PARP4: variants seen among roughly 807,000 people sequenced by gnomAD.
PARP4 encodes the protein protein mono-ADP-ribosyltransferase PARP4.
PARP4 carries 120 observed loss-of-function variants against 187.7 expected under a neutral mutation model. That is an observed-to-expected ratio of 0.64 (90% CI 0.55 to 0.74). The LOEUF (loss-of-function observed/expected upper bound fraction) is 0.74. Among genes scored for constraint, PARP4 ranks in the 30% least tolerant of loss-of-function variants. The probability of loss-of-function intolerance (pLI) is 0.00; values close to 1 mark genes in which losing one functional copy is unlikely to be tolerated. For synonymous variants in PARP4, 654 were observed against 740.9 expected (o/e 0.88, Z 1.90); for missense variants, 1,836 against 2,070.5 (o/e 0.89, Z 2.20).
chr13:24,504,275 G>GTGTATA (rs1869478216), intron 1 of PARP4, among the ~76,000 whole-genome samples: 1 of 144,532 alleles, frequency 6.9e-6, no homozygotes. Context: ...ATGTATGTGT[G>GTGTATA]TGTATACACA....
Position 24,498,234 on chromosome 13 carries a change from A to C in PARP4, c.478-5T>G, listed in dbSNP as rs766532656. ...CTGGCCTCCCTCCATTCCCACCTGG[A>C]AAACAGGATGTGCTTTCAGAAGCTG... On this transcript the variant is annotated splice_polypyrimidine_tract_variant and splice_region_variant and intron_variant, in intron 5 of 33. Coordinates refer to ENST00000381989, the MANE Select transcript of PARP4 (RefSeq NM_006437.4). 1.9e-6 allele frequency: 3 copies of C among 1,602,634 alleles called. No homozygotes were observed. The highest frequency in any genetic ancestry group is 2.6e-6 in the Non-Finnish European group (3 of 1,170,872).
chr13:24,431,199 AAT>A (rs1448901244), intron 32 of PARP4, among the ~76,000 whole-genome samples, 176 bp downstream of exon 32: 1 of 152,210 alleles, frequency 6.6e-6, no homozygotes, highest in African/African-American at 2.4e-5. Context: ...TAGTGGTAAA[AAT>A]ATGACTAGAA....
intron 11 of PARP4, among the ~76,000 whole-genome samples, chr13:24,485,920 G>A (rs925857974): frequency 2.6e-5 from 4 of 152,150 alleles, no homozygotes; most frequent in African/African-American, 9.7e-5. Context: ...CTGGCCTCAA[G>A]TGATCCTTCT....
intron 31 of PARP4, 150 bp from the exon 32 acceptor site, chr13:24,431,626 C>G (rs1360813114): frequency 1.3e-5 from 8 of 612,182 alleles, no homozygotes; most frequent in Admixed American, 6.9e-5. Flanking sequence ...ACCTCAGCAC[C>G]ACACGGTATG....
chr13:24,453,776 G>A, intron 22 of PARP4, 122 bp from the exon 23 acceptor site: 2 of 628,896 alleles, frequency 3.2e-6, no homozygotes, highest in Non-Finnish European at 2.9e-6. Context: ...ATTTATGTGT[G>A]TACCTTTCTT....
At chr13:24,484,042 T>C (rs1164720478) in intron 12 of PARP4, among the ~76,000 whole-genome samples, 1 of 152,240 alleles carries the variant, frequency 6.6e-6, no homozygotes, top group African/African-American at 2.4e-5. Context: ...CTTGGATCAT[T>C]ATCCTTTGTC....
chr13:24,453,427 G>T (rs1871636179), intron 23 of PARP4, among the ~76,000 whole-genome samples, 160 bp downstream of exon 23: 1 of 151,622 alleles, frequency 6.6e-6, no homozygotes, highest in Admixed American at 6.6e-5. Flanking sequence ...TTTCCTTAAT[G>T]AGTTATCATT....
intron 12 of PARP4, among the ~76,000 whole-genome samples, chr13:24,481,674 C>G (rs1311557170): frequency 6.6e-6 from 1 of 152,120 alleles, no homozygotes; most frequent in African/African-American, 2.4e-5. Flanking sequence ...GCCTGGGCAA[C>G]AAGAGCAAAC....
intron 6 of PARP4, among the ~76,000 whole-genome samples, chr13:24,495,955 A>G (rs937932763): frequency 1.3e-5 from 2 of 152,180 alleles, no homozygotes; most frequent in Non-Finnish European, 2.9e-5. Flanking sequence ...TGCTCAGCAA[A>G]CCAGGCTCAC....
intron 12 of PARP4, among the ~76,000 whole-genome samples, chr13:24,483,460 T>C (rs1347399690): frequency 8.6e-6 from 1 of 116,800 alleles, no homozygotes; most frequent in Non-Finnish European, 1.8e-5. Flanking sequence ...CAGTCCGCAG[T>C]CCGGCCTGGG....
intron 21 of PARP4, among the ~76,000 whole-genome samples, chr13:24,456,097 G>T (rs541947284): frequency 6.6e-6 from 1 of 152,074 alleles, no homozygotes; most frequent in Non-Finnish European, 1.5e-5. Flanking sequence ...TGTTCTTTTG[G>T]TGGAGCTTAA....
intron 10 of PARP4, 84 bp from the exon 11 acceptor site, chr13:24,486,389 A>G (rs1873557919): frequency 1.2e-6 from 1 of 860,356 alleles, no homozygotes; most frequent in African/African-American, 1.7e-5. Flanking sequence ...ATCCCAAAAG[A>G]GTCCAAATGT....
At position 24,435,174 on chromosome 13, in the gene PARP4, C is replaced by T. The variant is rs181733426; in HGVS notation, c.3967G>A (p.Val1323Ile). ...SSFFPILAPA[V>I]GSYLPPTARA... ...GCAGTCGGGGGAAGATAGGAACCAA[C>T]GGCCGGAGCCAAAATAGGAAAAAAG... The change falls in exon 31 of 34, where the codon GTT becomes ATT. Residue 1323 changes from valine to isoleucine, a missense_variant. Transcript: ENST00000381989. The T allele has an allele frequency of 5.5e-5, 88 of 1,614,188 alleles. No individual in the cohort carries two copies. Among genetic ancestry groups the T allele is most frequent in the Non-Finnish European group, 2.6e-5 (31 of 1,180,016 alleles).
intron 28 of PARP4, among the ~76,000 whole-genome samples, chr13:24,443,174 C>G (rs908487013): frequency 7.7e-6 from 1 of 129,514 alleles, no homozygotes; most frequent in Non-Finnish European, 1.7e-5. Context: ...GATCTCATCC[C>G]TCAGAGAACA....
Position 24,421,211 on chromosome 13 carries a change from C to T in PARP4, c.5083G>A (p.Asp1695Asn), listed in dbSNP as rs1869725282. Residue 1695 changes from aspartate (D) to asparagine (N), a missense_variant, in exon 34 of 34, where the codon GAC becomes AAC. Physicochemically the swap from Asp to Asn is conservative, Grantham distance 23. Around this residue, in one of 8 missense-constraint regions of PARP4, gnomAD observed 29 missense variants for 81.3 expected, o/e 0.36. Transcript: ENST00000381989. The part of the protein sequence containing the change: ...SICPRLELGN[D>N]WDSATKQLLG... ...AACTGCTTGGTGGCAGAGTCCCAGTCGTTCCCCAGTTCAAGCCGTGGGCAG... is the reference window on the plus strand; with the variant it reads ...AACTGCTTGGTGGCAGAGTCCCAGTTGTTCCCCAGTTCAAGCCGTGGGCAG... 7.0e-6 allele frequency: 10 copies of T among 1,418,574 alleles called. No homozygotes were observed. In the East Asian group the frequency reaches 1.7e-4, roughly 25 times the overall value. 87.9% of individuals were successfully genotyped at this position (1,418,574 alleles called of 1,614,324 possible). A position where few individuals can be genotyped will look rare whatever the true frequency, so the allele number is the denominator to read the frequency against.
chr13:24,425,444 A>T (rs1381739593), intron 33 of PARP4, among the ~76,000 whole-genome samples: 1 of 152,164 alleles, frequency 6.6e-6, no homozygotes, highest in Non-Finnish European at 1.5e-5. Flanking sequence ...CGTAGCAATA[A>T]TATTATTAGT....
Position 24,484,720 on chromosome 13 carries a change from C to A in PARP4, c.1381G>T (p.Asp461Tyr). ...RGLLLPKVVE[D>Y]RGVQRTDVGN... ...ACGTCTGTTCTTTGCACACCACGAT[C>A]TTCCACTACTTTGGGTAAAAGCAAC... The change falls in exon 12 of 34, where the codon GAT becomes TAT. Residue 461 changes from aspartate to tyrosine, a missense_variant. Physicochemically the swap from Asp to Tyr is radical, Grantham distance 160 (BLOSUM62 -3). Coordinates refer to ENST00000381989, the MANE Select transcript of PARP4 (RefSeq NM_006437.4). The A allele has an allele frequency of 1.9e-6, 3 of 1,608,216 alleles. No homozygotes were observed. The highest frequency in any genetic ancestry group is 2.6e-6 in the Non-Finnish European group (3 of 1,174,560).
intron 30 of PARP4, among the ~76,000 whole-genome samples, chr13:24,439,106 A>G (rs773924893): frequency 1.3e-5 from 2 of 152,222 alleles, no homozygotes; most frequent in Non-Finnish European, 2.9e-5. Flanking sequence ...GAAATAATTT[A>G]TCATCACACT....
At chr13:24,475,707 G>A in intron 14 of PARP4, 111 bp from the exon 15 acceptor site, 1 of 1,112,556 alleles carries the variant, frequency 9.0e-7, no homozygotes, top group Non-Finnish European at 1.3e-6. Flanking sequence ...TAGGGAAAAT[G>A]GGCAAATAGC....
Sources: gnomAD v4.1 joint callset for allele counts (sites outside exome capture counted in the v4.1 genomes callset) on GRCh38, gnomAD v4.1.1 for gene constraint, gnomAD v4.1.1 regional missense constraint, MANE v1.5 for transcripts, NCBI Gene and HGNC (gene_info 2026-07-23, HGNC 2026-07-21) for gene names.